The following SLC9C1 variants were observed in gnomAD, a reference collection of about 807,000 sequenced individuals.
SLC9C1 encodes the protein solute carrier family 9 member C1.
SLC9C1 carries 97 observed loss-of-function variants against 140.9 expected under a neutral mutation model. The observed-to-expected ratio is 0.69, with a 90% CI of 0.58 to 0.82. The LOEUF is 0.82. Ranked by LOEUF, SLC9C1 falls within the 40% of genes least tolerant of loss-of-function variation. The pLI is 0.00. For missense variants in SLC9C1, 1,340 were observed against 1,389.3 expected (o/e 0.96, Z 0.56); for synonymous variants, 440 against 442.6 (o/e 0.99, Z 0.07).
rs2074613243 is a variant in SLC9C1, at chr3:112,141,286, T to G, written c.3525-5A>C. ...TCTTAACAGTCTTACTCTTTCCTAA[T>G]AGAAGCGGAAAGAAAAAACAAAAAC... On this transcript the variant is annotated splice_region_variant and splice_polypyrimidine_tract_variant and intron_variant, in intron 28 of 28. Coordinates refer to ENST00000305815, the MANE Select transcript of SLC9C1 (RefSeq NM_183061.3). 6.3e-7 allele frequency: 1 copy of G among 1,581,816 alleles called. No individual in the cohort carries two copies. Among genetic ancestry groups the G allele is most frequent in the Non-Finnish European group, 8.6e-7 (1 of 1,165,732 alleles).
intron 3 of SLC9C1, among the ~76,000 whole-genome samples, chr3:112,279,191 T>C (rs933110805): frequency 6.6e-6 from 1 of 152,214 alleles, no homozygotes; most frequent in Admixed American, 6.5e-5. Flanking sequence ...AGGGAAACAC[T>C]GAGTACCTAC....
intron 19 of SLC9C1, 146 bp downstream of exon 19, chr3:112,200,565 G>A: frequency 1.5e-6 from 1 of 666,028 alleles, no homozygotes; most frequent in Non-Finnish European, 2.6e-6. Context: ...TAGAAAATAA[G>A]ATTGCATTGA....
intron 26 of SLC9C1, 115 bp from the exon 27 acceptor site, chr3:112,155,164 G>A: frequency 1.3e-6 from 1 of 755,458 alleles, no homozygotes; most frequent in Non-Finnish European, 2.0e-6. Context: ...CCTGTGATCT[G>A]AAATTGGTGG....
At chr3:112,190,672 A>G (rs537591243) in intron 20 of SLC9C1, among the ~76,000 whole-genome samples, 30 of 152,206 alleles carry the variant, frequency 2.0e-4, no homozygotes, top group Non-Finnish European at 3.8e-4. Flanking sequence ...GGGATGTCAA[A>G]TATCTTTTCA....
chr3:112,269,828 C>T (rs1251184640), intron 7 of SLC9C1, 88 bp downstream of exon 7: 29 of 1,148,592 alleles, frequency 2.5e-5, no homozygotes, highest in Non-Finnish European at 3.2e-5. Flanking sequence ...AATGTTTTTA[C>T]TAACTTTTGC....
At chr3:112,266,681 C>T (rs181593913) in intron 7 of SLC9C1, among the ~76,000 whole-genome samples, 1 of 152,184 alleles carries the variant, frequency 6.6e-6, no homozygotes, top group East Asian at 1.9e-4. Context: ...CGTGAACTTG[C>T]CCACAACTTC....
chr3:112,254,688 C>T (rs2079554490), intron 10 of SLC9C1, among the ~76,000 whole-genome samples: 1 of 151,986 alleles, frequency 6.6e-6, no homozygotes, highest in South Asian at 2.1e-4. Context: ...TACAAACAAA[C>T]TGACATAATA....
rs542163895 is a variant in SLC9C1, at chr3:112,156,009, G to A, written c.3365-960C>T. On this transcript the variant is annotated intron_variant, in intron 26 of 28. Transcript: ENST00000305815. ...AAACATTTATCTTTTTTTTTGTGTTGGGAAGATTACAATTCTTCTCTTCTG... is the reference window on the plus strand; with the variant it reads ...AAACATTTATCTTTTTTTTTGTGTTAGGAAGATTACAATTCTTCTCTTCTG... Among the ~76,000 whole-genome samples, 3 of 151,066 alleles carry A rather than the reference G, an allele frequency of 2.0e-5. No homozygotes were observed. In the East Asian group the frequency reaches 5.8e-4, roughly 29 times the overall value.
At chr3:112,245,971 G>A (rs935672138) in intron 10 of SLC9C1, among the ~76,000 whole-genome samples, 1 of 151,678 alleles carries the variant, frequency 6.6e-6, no homozygotes, top group Non-Finnish European at 1.5e-5. Context: ...TTTTTTGTAA[G>A]TCAGGTGTTC....
chr3:112,177,867 A>T (rs11922334), intron 23 of SLC9C1, among the ~76,000 whole-genome samples: 1 of 150,688 alleles, frequency 6.6e-6, no homozygotes, highest in East Asian at 1.9e-4. Context: ...AGAGTGTTTT[A>T]TGCAAATTCC....
chr3:112,221,732 T>A (rs1047234150), intron 13 of SLC9C1, among the ~76,000 whole-genome samples: 1 of 152,036 alleles, frequency 6.6e-6, no homozygotes, highest in Non-Finnish European at 1.5e-5. Context: ...TAAGGAGTAT[T>A]ATAATAACAG....
Position 112,141,374 on chromosome 3 carries a change from C to T in SLC9C1, c.3525-93G>A, listed in dbSNP as rs2074617243. 9 of 1,345,442 alleles carry T rather than the reference C, an allele frequency of 6.7e-6. No homozygotes were observed. The South Asian group carries it at 1.4e-4, about 21-fold the overall frequency. 83.3% of individuals were successfully genotyped at this position (1,345,442 alleles called of 1,614,324 possible). On this transcript the variant is annotated intron_variant, in intron 28 of 28. Coordinates refer to ENST00000305815, the MANE Select transcript of SLC9C1 (RefSeq NM_183061.3). ...CCCAGAATAGGATGTACTAGAGGGT[C>T]AATTTGACTCCCATAAGACACACTT...
chr3:112,284,985 C>CTTTT (rs61428176), intron 2 of SLC9C1, among the ~76,000 whole-genome samples: 27,827 of 103,700 alleles, frequency 0.27, 5,988 homozygotes, highest in East Asian at 0.4. Flanking sequence ...TACAATTTTT[C>CTTTT]TTTTTTTTTT....
chr3:112,152,104 G>C (rs1375689556), intron 27 of SLC9C1, 141 bp from the exon 28 acceptor site: 2 of 638,198 alleles, frequency 3.1e-6, no homozygotes, highest in African/African-American at 1.9e-5. Flanking sequence ...AAAGTATAGA[G>C]GAAGAAAAGT....
At chr3:112,203,259 A>G (rs939373195) in intron 17 of SLC9C1, among the ~76,000 whole-genome samples, 2 of 151,966 alleles carry the variant, frequency 1.3e-5, no homozygotes, top group Non-Finnish European at 1.5e-5. Flanking sequence ...TATATCAACA[A>G]ACTTTTCTAA....
At chr3:112,181,117 CTGAAATATATTAGTAATA>C (rs2077432042) in intron 21 of SLC9C1, among the ~76,000 whole-genome samples, 1 of 151,984 alleles carries the variant, frequency 6.6e-6, no homozygotes, top group Admixed American at 6.6e-5. Context: ...TTGATAATAT[CTGAAATATATTAGTAATA>C]AGTTTGTAAC....
chr3:112,230,320 T>C (rs545225968), intron 13 of SLC9C1, among the ~76,000 whole-genome samples: 18 of 152,290 alleles, frequency 1.2e-4, no homozygotes, highest in African/African-American at 4.1e-4. Context: ...GACTAGCTTG[T>C]CCATTTACAT....
Position 112,141,128 on chromosome 3 carries a change from A to T in SLC9C1, c.*144T>A. 2.4e-6 allele frequency: 2 copies of T among 828,076 alleles called. No homozygotes were observed. The highest frequency in any genetic ancestry group is 3.4e-6 in the Non-Finnish European group (2 of 586,712). 51.3% of individuals were successfully genotyped at this position (828,076 alleles called of 1,614,324 possible). ...GTTGAACTGCTGGTTTCAAGGTCCAAATTTCTTTTCTGCTTAGCACCAAGA... is the reference window on the plus strand; with the variant it reads ...GTTGAACTGCTGGTTTCAAGGTCCATATTTCTTTTCTGCTTAGCACCAAGA... On this transcript the variant is annotated 3_prime_UTR_variant, in exon 29 of 29. Coordinates refer to ENST00000305815, the MANE Select transcript of SLC9C1 (RefSeq NM_183061.3).
intron 10 of SLC9C1, among the ~76,000 whole-genome samples, chr3:112,252,124 C>T (rs998464293): frequency 6.6e-6 from 1 of 150,904 alleles, no homozygotes; most frequent in African/African-American, 2.4e-5. Context: ...GGATGGAGGT[C>T]CCTGTGGGAG....
Sources: gnomAD v4.1 joint callset for allele counts (sites outside exome capture counted in the v4.1 genomes callset) on GRCh38, gnomAD v4.1.1 for gene constraint, MANE v1.5 for transcripts, NCBI Gene and HGNC (gene_info 2026-07-23, HGNC 2026-07-21) for gene names.